The following PLSCR4 variants were observed in gnomAD, a reference collection of about 807,000 sequenced individuals.
The protein encoded by PLSCR4 is Ca(2+)-dependent phospholipid scramblase 4.
A neutral mutation model predicts 36.3 loss-of-function variants in PLSCR4; 25 were observed. The ratio of observed to expected loss-of-function variants is 0.69; its 90% CI spans 0.50 to 0.96. The LOEUF (loss-of-function observed/expected upper bound fraction) is 0.96. PLSCR4 is among the 40% of genes least tolerant of loss of function. The probability of loss-of-function intolerance (pLI) is 0.00; values close to 1 mark genes in which losing one functional copy is unlikely to be tolerated. For synonymous variants in PLSCR4, 122 were observed against 132.9 expected (o/e 0.92, Z 0.56); for missense variants, 408 against 414.7 (o/e 0.98, Z 0.14).
intron 3 of PLSCR4, among the ~76,000 whole-genome samples, chr3:146,220,099 G>A (rs1393230800): frequency 6.6e-6 from 1 of 152,104 alleles, no homozygotes; most frequent in African/African-American, 2.4e-5. Flanking sequence ...CATTATGTAA[G>A]TCATTAAAAT....
At chr3:146,228,229 T>G (rs2035559594) in intron 1 of PLSCR4, among the ~76,000 whole-genome samples, 2 of 152,234 alleles carry the variant, frequency 1.3e-5, no homozygotes, top group African/African-American at 2.4e-5. Context: ...TTATTACTAC[T>G]ATTTCACTAG....
At chr3:146,203,453 A>G (rs1264240134) in intron 4 of PLSCR4, among the ~76,000 whole-genome samples, 2 of 152,036 alleles carry the variant, frequency 1.3e-5, no homozygotes, top group Non-Finnish European at 2.9e-5. Flanking sequence ...TGAAAGTCCT[A>G]GAAGGCATCT....
intron 3 of PLSCR4, among the ~76,000 whole-genome samples, chr3:146,219,068 G>T (rs943998802): frequency 3.3e-5 from 5 of 152,164 alleles, no homozygotes; most frequent in African/African-American, 1.2e-4. Flanking sequence ...GTCAGTCTTC[G>T]TAAGTTTATA....
intron 3 of PLSCR4, among the ~76,000 whole-genome samples, chr3:146,211,179 TGA>T (rs1228327554): frequency 6.6e-6 from 1 of 152,116 alleles, no homozygotes; most frequent in Non-Finnish European, 1.5e-5. Flanking sequence ...CTTGCAAATA[TGA>T]GAGTTCTACT....
At chr3:146,224,610 A>G (rs2035353278) in intron 1 of PLSCR4, among the ~76,000 whole-genome samples, 1 of 152,064 alleles carries the variant, frequency 6.6e-6, no homozygotes, top group Non-Finnish European at 1.5e-5. Flanking sequence ...GTGTGGACCC[A>G]AACAGTGAGC....
intron 1 of PLSCR4, among the ~76,000 whole-genome samples, chr3:146,229,585 T>TTC (rs1262820344): frequency 2.1e-5 from 3 of 145,938 alleles, no homozygotes; most frequent in Non-Finnish European, 4.5e-5. Context: ...TTTATCATTT[T>TTC]ATTTTTCATT....
At chr3:146,233,194 T>A (rs2107827398) in intron 1 of PLSCR4, among the ~76,000 whole-genome samples, 1 of 152,250 alleles carries the variant, frequency 6.6e-6, no homozygotes, top group South Asian at 2.1e-4. Flanking sequence ...CTGCTAATAA[T>A]ATAGATTACA....
In PLSCR4 at chr3:146,238,382, T is replaced by C. The variant is rs936746172; in HGVS notation, c.-22+12578A>G. On this transcript the variant is annotated intron_variant, in intron 1 of 8. Transcript: ENST00000354952. ...CTACACTAATAACCATGAAGAATACTGACACAAAAATTCTCAACAAAATAC... is the reference window on the plus strand; with the variant it reads ...CTACACTAATAACCATGAAGAATACCGACACAAAAATTCTCAACAAAATAC... Among the ~76,000 whole-genome samples the C allele has an allele frequency of 2.0e-5, 3 of 152,064 alleles. No homozygotes were observed. In the South Asian group the frequency reaches 6.2e-4, roughly 32 times the overall value.
chr3:146,234,520 C>T (rs1300657983), intron 1 of PLSCR4, among the ~76,000 whole-genome samples: 1 of 152,120 alleles, frequency 6.6e-6, no homozygotes, highest in Admixed American at 6.6e-5. Flanking sequence ...GCTGTGACTC[C>T]AAAAGAATGG....
chr3:146,195,420 G>A, intron 7 of PLSCR4, 138 bp from the exon 8 acceptor site: 1 of 692,304 alleles, frequency 1.4e-6, no homozygotes, highest in Non-Finnish European at 2.4e-6. Context: ...AGAAAATAAT[G>A]GCCAAAAAGG....
intron 6 of PLSCR4, among the ~76,000 whole-genome samples, chr3:146,198,278 A>G (rs1361811426): frequency 6.6e-6 from 1 of 152,170 alleles, no homozygotes; most frequent in African/African-American, 2.4e-5. Context: ...AATCTACACA[A>G]ATGATAAAAC....
intron 1 of PLSCR4, chr3:146,223,910 ATATT>A (rs936562570): frequency 2.0e-5 from 3 of 147,248 alleles, no homozygotes; most frequent in African/African-American, 7.4e-5. Context: ...AAATATATTA[ATATT>A]TAAATATAAA....
intron 3 of PLSCR4, among the ~76,000 whole-genome samples, chr3:146,210,655 A>G (rs1348456264): frequency 1.3e-5 from 2 of 152,022 alleles, no homozygotes; most frequent in Admixed American, 6.6e-5. Context: ...TTTTAAGTAT[A>G]TTCTCAAAGT....
At chr3:146,230,347 A>G (rs2035657566) in intron 1 of PLSCR4, among the ~76,000 whole-genome samples, 1 of 152,208 alleles carries the variant, frequency 6.6e-6, no homozygotes, top group African/African-American at 2.4e-5. Context: ...CTTTCTCAAA[A>G]TAACTATTCT....
chr3:146,225,639 G>A (rs1395004948), intron 1 of PLSCR4, among the ~76,000 whole-genome samples: 1 of 152,194 alleles, frequency 6.6e-6, no homozygotes, highest in Admixed American at 6.5e-5. Flanking sequence ...GGCACTGCTG[G>A]AGGACTCACT....
chr3:146,219,047 A>C (rs9877004), intron 3 of PLSCR4, among the ~76,000 whole-genome samples: 114,587 of 152,104 alleles, frequency 0.75, 43,279 homozygotes, highest in South Asian at 0.81. Context: ...TGAGTCACAG[A>C]GACAATTTTT....
chr3:146,204,430 C>T (rs934286841), intron 4 of PLSCR4, among the ~76,000 whole-genome samples: 9 of 151,858 alleles, frequency 5.9e-5, no homozygotes, highest in Non-Finnish European at 1.3e-4. Flanking sequence ...ATTAAAAATT[C>T]TCCTAACAAT....
At chr3:146,230,954 G>C (rs1044340017) in intron 1 of PLSCR4, among the ~76,000 whole-genome samples, 1 of 152,062 alleles carries the variant, frequency 6.6e-6, no homozygotes, top group Non-Finnish European at 1.5e-5. Context: ...GTGTACAAAT[G>C]ACTTCATCAC....
intron 1 of PLSCR4, among the ~76,000 whole-genome samples, chr3:146,242,526 C>T (rs2036194409): frequency 6.6e-6 from 1 of 152,106 alleles, no homozygotes; most frequent in African/African-American, 2.4e-5. Context: ...ATGCCAACAA[C>T]AGGACTGGGC....
Sources: allele counts gnomAD v4.1 joint callset (sites outside exome capture counted in the v4.1 genomes callset), GRCh38; gene constraint gnomAD v4.1.1; transcripts MANE v1.5; gene names NCBI Gene and HGNC (gene_info 2026-07-23, HGNC 2026-07-21).